The following CFAP20DC variants were observed in gnomAD, a reference collection of about 807,000 sequenced individuals.
The protein encoded by CFAP20DC is protein CFAP20DC.
A neutral mutation model predicts 101.7 loss-of-function variants in CFAP20DC; 84 were observed. The observed-to-expected ratio is 0.83, with a 90% CI of 0.69 to 0.99. CFAP20DC has a LOEUF of 0.99. Among genes scored for constraint, CFAP20DC ranks in the 50% least tolerant of loss-of-function variants. The probability of loss-of-function intolerance (pLI) is 0.00; values close to 1 mark genes in which losing one functional copy is unlikely to be tolerated. For synonymous variants in CFAP20DC, 359 were observed against 351.2 expected (o/e 1.02, Z -0.25); for missense variants, 1,007 against 970.3 (o/e 1.04, Z -0.50).
chr3:58,871,061 C>T (rs1435466147), intron 7 of CFAP20DC, among the ~76,000 whole-genome samples: 1 of 152,084 alleles, frequency 6.6e-6, no homozygotes, highest in African/African-American at 2.4e-5. Context: ...GTCAGTGACA[C>T]AAAATGGAGA....
chr3:59,022,091 A>G (rs770265628), intron 4 of CFAP20DC, among the ~76,000 whole-genome samples: 10 of 152,244 alleles, frequency 6.6e-5, no homozygotes, highest in Non-Finnish European at 1.2e-4. Context: ...CTGAGGTATC[A>G]TAACAGAACT....
At chr3:59,043,755 T>G (rs566661397) in intron 3 of CFAP20DC, among the ~76,000 whole-genome samples, 4 of 152,298 alleles carry the variant, frequency 2.6e-5, no homozygotes, top group African/African-American at 9.6e-5. Flanking sequence ...TGGGCAACTC[T>G]ACATAATGTG....
chr3:58,775,117 C>T (rs1259192525), intron 15 of CFAP20DC, among the ~76,000 whole-genome samples: 4 of 152,062 alleles, frequency 2.6e-5, no homozygotes, highest in African/African-American at 9.7e-5. Flanking sequence ...CGGGGCACAG[C>T]TTGGTTTTAT....
At chr3:58,804,686 T>C (rs1229671893) in intron 15 of CFAP20DC, among the ~76,000 whole-genome samples, 1 of 152,196 alleles carries the variant, frequency 6.6e-6, no homozygotes, top group East Asian at 1.9e-4. Flanking sequence ...TGTTATAATT[T>C]GGACCACAGT....
intron 4 of CFAP20DC, among the ~76,000 whole-genome samples, chr3:59,038,517 T>G (rs576934604): frequency 1.3e-5 from 2 of 152,348 alleles, no homozygotes; most frequent in East Asian, 3.9e-4. Flanking sequence ...TGTTACAAAT[T>G]GAAGGTTTGT....
chr3:59,044,431 AT>A (rs1699674193), intron 3 of CFAP20DC, among the ~76,000 whole-genome samples: 1 of 152,186 alleles, frequency 6.6e-6, no homozygotes, highest in African/African-American at 2.4e-5. Flanking sequence ...AGTGCTACAC[AT>A]GATATAGAAA....
At chr3:58,945,697 CTT>C (rs66828789) in intron 4 of CFAP20DC, among the ~76,000 whole-genome samples, 7 of 138,462 alleles carry the variant, frequency 5.1e-5, no homozygotes, top group African/African-American at 1.6e-4. Context: ...AAGTCACTTT[CTT>C]TTTTTTTTTT....
intron 4 of CFAP20DC, among the ~76,000 whole-genome samples, chr3:58,976,225 T>C (rs2092268241): frequency 6.6e-6 from 1 of 152,174 alleles, no homozygotes; most frequent in South Asian, 2.1e-4. Flanking sequence ...TCTTCAGTGA[T>C]GGCAGGAGTG....
At chr3:59,032,246 G>C (rs893139107) in intron 4 of CFAP20DC, among the ~76,000 whole-genome samples, 1 of 152,142 alleles carries the variant, frequency 6.6e-6, no homozygotes, top group South Asian at 2.1e-4. Context: ...CAGGGCCCTA[G>C]GTTTCAGGCC....
chr3:58,922,388 A>G (rs905657462), intron 5 of CFAP20DC, among the ~76,000 whole-genome samples: 1 of 152,202 alleles, frequency 6.6e-6, no homozygotes, highest in Non-Finnish European at 1.5e-5. Flanking sequence ...GGCCCCACCA[A>G]GTCTCATGTT....
At chr3:59,008,762 A>G (rs934029165) in intron 4 of CFAP20DC, among the ~76,000 whole-genome samples, 1 of 152,150 alleles carries the variant, frequency 6.6e-6, no homozygotes, top group African/African-American at 2.4e-5. Context: ...CTAATGCTAA[A>G]TGACGAGTTA....
intron 4 of CFAP20DC, among the ~76,000 whole-genome samples, chr3:58,983,422 T>C (rs1281027506): frequency 6.6e-6 from 1 of 152,108 alleles, no homozygotes; most frequent in East Asian, 1.9e-4. Context: ...AAACAAAACA[T>C]GTTTTTTTAA....
At chr3:58,747,585 T>C (rs1246469169) in intron 16 of CFAP20DC, among the ~76,000 whole-genome samples, 1 of 152,218 alleles carries the variant, frequency 6.6e-6, no homozygotes, top group Non-Finnish European at 1.5e-5. Context: ...TTAATGTATT[T>C]TCTCTCCTAT....
chr3:58,841,849 C>G (rs574154127), intron 13 of CFAP20DC, among the ~76,000 whole-genome samples: 1 of 152,274 alleles, frequency 6.6e-6, no homozygotes, highest in East Asian at 1.9e-4. Flanking sequence ...TTTTCTGGAG[C>G]TATAAAGTCT....
downstream of CFAP20DC, among the ~76,000 whole-genome samples, chr3:58,740,305 C>A (rs939388120): frequency 1.1e-4 from 16 of 152,186 alleles, no homozygotes; most frequent in African/African-American, 3.9e-4. This position sits in a 1 kb window ranked among gnomAD's most constrained non-coding sequence, Gnocchi z 4.6. Context: ...ACAGTGCCCT[C>A]TTCTCCTTCA....
intron 3 of CFAP20DC, among the ~76,000 whole-genome samples, chr3:59,043,613 C>G (rs987045875): frequency 6.6e-6 from 1 of 151,942 alleles, no homozygotes; most frequent in East Asian, 1.9e-4. Flanking sequence ...GCTACTCCCC[C>G]GAGACACATC....
chr3:58,940,470 T>TTC, intron 4 of CFAP20DC, among the ~76,000 whole-genome samples: 1 of 152,332 alleles, frequency 6.6e-6, no homozygotes, highest in East Asian at 1.9e-4. Flanking sequence ...GACATAGGGG[T>TTC]TGGAGTTCTT....
chr3:58,849,268 C>T lies in CFAP20DC; in HGVS notation c.1735G>A (p.Ala579Thr). 6.5e-7 allele frequency: 1 copy of T among 1,536,100 alleles called. No individual in the cohort carries two copies. Among genetic ancestry groups the T allele is most frequent in the Non-Finnish European group, 8.7e-7 (1 of 1,146,912 alleles). Residue 579 changes from alanine to threonine, a missense_variant, in exon 13 of 17, where the codon GCA (alanine) becomes ACA (threonine). By Grantham distance (58) the Ala-to-Thr change is moderately conservative. Coordinates refer to ENST00000482387, the MANE Select transcript of CFAP20DC (RefSeq NM_001394063.1). Reference protein sequence around the residue: ...YLRSAYTEAGATESQDSSMEQ... With the variant: ...YLRSAYTEAGTTESQDSSMEQ... ...ATCGAGGAATCCTGGCTTTCTGTTG[C>T]TCCTGCTTCTGTGTAGGCGCTCCTT...
At chr3:58,750,898 C>A in intron 16 of CFAP20DC, among the ~76,000 whole-genome samples, 1 of 152,158 alleles carries the variant, frequency 6.6e-6, no homozygotes, top group South Asian at 2.1e-4. Context: ...AACTCTTTAA[C>A]TGCCAAAATA....
Sources: gnomAD v4.1 joint callset for allele counts (sites outside exome capture counted in the v4.1 genomes callset) on GRCh38, gnomAD v4.1.1 for gene constraint, Gnocchi (gnomAD v3.1) non-coding constraint, MANE v1.5 for transcripts, NCBI Gene and HGNC (gene_info 2026-07-23, HGNC 2026-07-21) for gene names.